The following SEPTIN9 variants were observed in gnomAD, a reference collection of about 807,000 sequenced individuals.
SEPTIN9 encodes the protein septin 9.
SEPTIN9 carries 13 observed loss-of-function variants against 56.6 expected under a neutral mutation model. The observed-to-expected ratio is 0.23, with a 90% CI of 0.15 to 0.37. The LOEUF is 0.37. Among genes scored for constraint, SEPTIN9 ranks in the 10% least tolerant of loss-of-function variants. The pLI is 1.00. For missense variants in SEPTIN9, 650 were observed against 823.1 expected (o/e 0.79, Z 2.57); for synonymous variants, 332 against 334.1 (o/e 0.99, Z 0.07).
At chr17:77,465,797 C>T (rs2038690713) in intron 3 of SEPTIN9, among the ~76,000 whole-genome samples, 2 of 151,982 alleles carry the variant, frequency 1.3e-5, no homozygotes, top group Admixed American at 1.3e-4. Context: ...CCACTTGCAG[C>T]TAGTTGCAGC....
intron 3 of SEPTIN9, among the ~76,000 whole-genome samples, chr17:77,452,695 A>G (rs953947527): frequency 2.6e-5 from 4 of 151,968 alleles, no homozygotes; most frequent in African/African-American, 9.7e-5. Context: ...AGGAAGCAGA[A>G]AAAGGCCCCA....
At chr17:77,448,927 G>A (rs1381431952) in intron 3 of SEPTIN9, among the ~76,000 whole-genome samples, 1 of 152,058 alleles carries the variant, frequency 6.6e-6, no homozygotes, top group Non-Finnish European at 1.5e-5. Context: ...GGGATTACAG[G>A]TGGCTGCTAC....
intron 4 of SEPTIN9, among the ~76,000 whole-genome samples, chr17:77,486,691 G>C (rs1345827263): frequency 6.6e-6 from 1 of 152,074 alleles, no homozygotes; most frequent in South Asian, 2.1e-4. Context: ...TGAGTTGTGT[G>C]TGTTGTGTTG....
chr17:77,500,331 C>T lies in SEPTIN9; in HGVS notation c.*1673C>T, dbSNP rs2040447379. ...GATTTTGAAGGAAATGAGTGGCCAGCGCCAGGGCCCAGGCCATGTGGCCTG... is the reference window on the plus strand; with the variant it reads ...GATTTTGAAGGAAATGAGTGGCCAGTGCCAGGGCCCAGGCCATGTGGCCTG... On this transcript the variant is annotated 3_prime_UTR_variant, in exon 12 of 12. Coordinates refer to ENST00000427177, the MANE Select transcript of SEPTIN9 (RefSeq NM_001113491.2). 1.4e-5 allele frequency: 3 copies of T among 214,352 alleles called. No individual in the cohort carries two copies. The highest frequency in any genetic ancestry group is 2.8e-5 in the Non-Finnish European group (3 of 105,998). The allele number at this position is 214,352 out of a possible 1,614,324, so 13.3% of individuals were successfully genotyped here. A position where few individuals can be genotyped will look rare whatever the true frequency, so the allele number is the denominator to read the frequency against.
chr17:77,411,824 G>T (rs961221611), intron 3 of SEPTIN9, among the ~76,000 whole-genome samples: 19 of 152,114 alleles, frequency 1.2e-4, no homozygotes, highest in African/African-American at 4.6e-4. Flanking sequence ...CTGTGTCAAG[G>T]ATGTGTGCAT....
chr17:77,474,804 A>G (rs2039142266), intron 3 of SEPTIN9, among the ~76,000 whole-genome samples: 1 of 152,188 alleles, frequency 6.6e-6, no homozygotes, highest in Admixed American at 6.5e-5. Context: ...AAATGGGACA[A>G]TAACAGTGGC....
Position 77,318,520 on chromosome 17 carries a change from C to G in SEPTIN9, c.76+11323C>G, listed in dbSNP as rs183195818. 3.0e-4 allele frequency among the ~76,000 whole-genome samples: 46 copies of G among 152,284 alleles called. No homozygotes were observed. The South Asian group carries it at 9.1e-3, about 30-fold the overall frequency. On this transcript the variant is annotated intron_variant, in intron 2 of 11. Transcript: ENST00000427177. The surrounding 1 kb of genome is among the most constrained non-coding windows in gnomAD (Gnocchi z 4.9). ...CTGGGGCCATTATTCAGCCTTCTCT[C>G]GTGACTATGATCCCTCCCTTCCTCC... is the stretch of plus-strand genomic sequence containing the variant.
In SEPTIN9 at chr17:77,487,360, C is replaced by T. The variant is rs1243426505; in HGVS notation, c.914-64C>T. ...GCCTCGTGCCTGGGTGGGAGGGGCC[C>T]CATGTGCAGACCCTGCTGGTCTCTC... is the stretch of plus-strand genomic sequence containing the variant. On this transcript the variant is annotated intron_variant, in intron 4 of 11. Coordinates refer to ENST00000427177, the MANE Select transcript of SEPTIN9 (RefSeq NM_001113491.2). This position sits in a 1 kb window ranked among gnomAD's most constrained non-coding sequence, Gnocchi z 4.3. 7.8e-6 allele frequency: 12 copies of T among 1,546,634 alleles called. 1 individual carries two copies. In the South Asian group the frequency reaches 1.2e-4, roughly 15 times the overall value.
rs541677213 is a variant in SEPTIN9 at position 77,360,398 on chromosome 17, G to A, written c.77-41661G>A. Among the ~76,000 whole-genome samples the A allele has an allele frequency of 1.3e-4, 20 of 152,314 alleles. No individual in the cohort carries two copies. In the South Asian group the frequency reaches 3.7e-3, roughly 28 times the overall value. On this transcript the variant is annotated intron_variant, in intron 2 of 11. Transcript: ENST00000427177. ...AGCTGCCTGAGCGTTTTATCCAGTG[G>A]TGTGCATGTCTTTTCCCAACTCTGT...
At chr17:77,382,064 G>A (rs113833087) in intron 2 of SEPTIN9, among the ~76,000 whole-genome samples, 23 of 151,718 alleles carry the variant, frequency 1.5e-4, no homozygotes, top group African/African-American at 4.8e-4. Context: ...TTTCGCTCTT[G>A]TTGCCCAGGC....
intron 1 of SEPTIN9, among the ~76,000 whole-genome samples, chr17:77,300,025 T>C (rs1301960003): frequency 2.0e-4 from 30 of 152,220 alleles, no homozygotes; most frequent in Admixed American, 2.0e-3. Flanking sequence ...TGTTTCCTTC[T>C]CACAGGAGCT....
At position 77,402,391 on chromosome 17, in the gene SEPTIN9, G is replaced by T; in HGVS notation, c.409G>T (p.Val137Leu). The change falls in exon 3 of 12, where the codon GTG (valine) becomes TTG (leucine). Residue 137 changes from valine (V) to leucine (L), a missense_variant. Val to Leu is a conservative substitution (Grantham distance 32). Around this residue, in one of 2 missense-constraint regions of SEPTIN9, gnomAD observed 317 missense variants for 329.1 expected, o/e 0.96. Transcript: ENST00000427177. This position sits in a 1 kb window ranked among gnomAD's most constrained non-coding sequence, Gnocchi z 6.6. The part of the protein sequence containing the change: ...PSRFGLKRAE[V>L]LGHKTPEPAP... ...CCGGTTCGGGCTCAAGAGGGCCGAG[G>T]TGTTGGGCCACAAGACGCCAGAACC... is the stretch of plus-strand genomic sequence containing the variant. 6.2e-7 allele frequency: 1 copy of T among 1,611,814 alleles called. No homozygotes were observed. The highest frequency in any genetic ancestry group is 8.5e-7 in the Non-Finnish European group (1 of 1,179,462).
At chr17:77,481,795 C>T in intron 3 of SEPTIN9, 3 of 321,422 alleles carry the variant, frequency 9.3e-6, no homozygotes, top group Non-Finnish European at 1.7e-5. Context: ...GAGCAGCCCT[C>T]CAGGGTACGG....
At chr17:77,390,343 TC>T (rs2035490361) in intron 2 of SEPTIN9, among the ~76,000 whole-genome samples, 1 of 42,306 alleles carries the variant, frequency 2.4e-5, no homozygotes, top group African/African-American at 1.8e-4. Flanking sequence ...CAAGACTCCG[TC>T]TTAAAAAAAA....
chr17:77,329,515 C>T lies in SEPTIN9; in HGVS notation c.76+22318C>T, dbSNP rs1053598312. Among the ~76,000 whole-genome samples the T allele has an allele frequency of 6.6e-6, 1 of 152,096 alleles. No individual in the cohort carries two copies. The highest frequency in any genetic ancestry group is 1.5e-5 in the Non-Finnish European group (1 of 68,008). ...TGGGTGAGGCCAAGGTGGTTTGGAT[C>T]CTGGGAAGGTTGGGTACCTGGCAGC... On this transcript the variant is annotated intron_variant, in intron 2 of 11. Transcript: ENST00000427177. This position sits in a 1 kb window ranked among gnomAD's most constrained non-coding sequence, Gnocchi z 4.3.
At chr17:77,291,031 ATTTTTTTTT>A (rs869237556) in intron 1 of SEPTIN9, among the ~76,000 whole-genome samples, 1 of 108,790 alleles carries the variant, frequency 9.2e-6, no homozygotes, top group Non-Finnish European at 1.8e-5. Flanking sequence ...TGCCTGGCTA[ATTTTTTTTT>A]TTTTTTTTTT....
intron 3 of SEPTIN9, among the ~76,000 whole-genome samples, chr17:77,466,813 C>T (rs2038755933): frequency 6.6e-6 from 1 of 152,192 alleles, no homozygotes; most frequent in Non-Finnish European, 1.5e-5. Context: ...GAAGGCCTCG[C>T]AGGAGAGGGT....
At chr17:77,407,223 C>T (rs1281659570) in intron 3 of SEPTIN9, among the ~76,000 whole-genome samples, 4 of 126,280 alleles carry the variant, frequency 3.2e-5, no homozygotes, top group Non-Finnish European at 4.7e-5. Flanking sequence ...GTTGAGGCTG[C>T]GGTGAGCTGA....
chr17:77,332,623 A>G (rs961451808), intron 2 of SEPTIN9, among the ~76,000 whole-genome samples: 14 of 152,228 alleles, frequency 9.2e-5, no homozygotes, highest in African/African-American at 3.4e-4. Context: ...CGTGTATCCC[A>G]GCCTGACCAG....
Sources: allele counts gnomAD v4.1 joint callset (sites outside exome capture counted in the v4.1 genomes callset), GRCh38; gene constraint gnomAD v4.1.1; regional missense constraint gnomAD v4.1.1; non-coding constraint Gnocchi (gnomAD v3.1); transcripts MANE v1.5; gene names NCBI Gene and HGNC (gene_info 2026-07-23, HGNC 2026-07-21).